Variants in KPNA3 observed in about 807,000 individuals in gnomAD.
KPNA3 encodes karyopherin subunit alpha 3, also known as importin subunit alpha-4.
KPNA3 carries 13 observed loss-of-function variants against 73.8 expected under a neutral mutation model. The ratio of observed to expected loss-of-function variants is 0.18; its 90% CI spans 0.11 to 0.28. The LOEUF (loss-of-function observed/expected upper bound fraction) is 0.28. KPNA3 is among the 10% of genes least tolerant of loss of function. The probability of loss-of-function intolerance (pLI) is 1.00; values close to 1 mark genes in which losing one functional copy is unlikely to be tolerated. For missense variants in KPNA3, 360 were observed against 618.1 expected (o/e 0.58, Z 4.43); for synonymous variants, 186 against 206.9 (o/e 0.90, Z 0.87).
At chr13:49,735,745 G>A (rs759650955) in intron 2 of KPNA3, among the ~76,000 whole-genome samples, 1 of 151,984 alleles carries the variant, frequency 6.6e-6, no homozygotes, top group African/African-American at 2.4e-5. Flanking sequence ...TATTATCCAC[G>A]TATGCATGTA....
At chr13:49,781,355 CAG>C (rs1954939104) in intron 1 of KPNA3, among the ~76,000 whole-genome samples, 1 of 152,192 alleles carries the variant, frequency 6.6e-6, no homozygotes, top group Non-Finnish European at 1.5e-5. Context: ...ATCTGGGACT[CAG>C]TGCCAGTTCT....
At chr13:49,776,894 A>G (rs1483759839) in intron 1 of KPNA3, among the ~76,000 whole-genome samples, 1 of 152,220 alleles carries the variant, frequency 6.6e-6, no homozygotes, top group African/African-American at 2.4e-5. Flanking sequence ...TCAAATTTAC[A>G]GTCAGTTCAA....
intron 14 of KPNA3, 111 bp from the exon 15 acceptor site, chr13:49,705,894 T>TG (rs1412924748): frequency 1.8e-6 from 2 of 1,098,076 alleles, no homozygotes. Flanking sequence ...GCCCAGGAGT[T>TG]GGAGGCTGTA....
intron 15 of KPNA3, among the ~76,000 whole-genome samples, chr13:49,703,278 G>C (rs1954167727): frequency 6.7e-6 from 1 of 149,368 alleles, no homozygotes; most frequent in South Asian, 2.1e-4. Flanking sequence ...CACCTCCTGG[G>C]TTCAAGTGTC....
chr13:49,707,141 T>C (rs377594177), intron 12 of KPNA3, among the ~76,000 whole-genome samples: 2 of 152,354 alleles, frequency 1.3e-5, no homozygotes, highest in African/African-American at 4.8e-5. Context: ...TCACAAGATA[T>C]AGTCATTCAA....
intron 1 of KPNA3, among the ~76,000 whole-genome samples, chr13:49,753,341 A>G (rs1478154558): frequency 6.6e-6 from 1 of 152,210 alleles, no homozygotes; most frequent in Non-Finnish European, 1.5e-5. Context: ...GGCAAAAAAT[A>G]TTGAAAATGT....
chr13:49,714,323 CCTACCTAACTTAATTA>C (rs1954286543), intron 10 of KPNA3, among the ~76,000 whole-genome samples: 1 of 151,794 alleles, frequency 6.6e-6, no homozygotes, highest in Non-Finnish European at 1.5e-5. Context: ...AAGAAAAAGT[CCTACCTAACTTAATTA>C]GAAAAGAGCA....
At chr13:49,727,238 G>T (rs765165584) in intron 6 of KPNA3, among the ~76,000 whole-genome samples, 1 of 151,668 alleles carries the variant, frequency 6.6e-6, no homozygotes, top group Non-Finnish European at 1.5e-5. Context: ...ACCTGAGGTC[G>T]GGAGTTTGAA....
At chr13:49,784,746 A>AT (rs1441237408) in intron 1 of KPNA3, among the ~76,000 whole-genome samples, 1 of 152,202 alleles carries the variant, frequency 6.6e-6, no homozygotes, top group Non-Finnish European at 1.5e-5. Flanking sequence ...CATGGGAAAA[A>AT]TTATTGTGTC....
intron 6 of KPNA3, among the ~76,000 whole-genome samples, chr13:49,727,693 C>T (rs1264774518): frequency 1.3e-5 from 2 of 151,906 alleles, no homozygotes; most frequent in African/African-American, 4.8e-5. Context: ...TAAACTCATA[C>T]TAACTTTCTA....
intron 1 of KPNA3, among the ~76,000 whole-genome samples, chr13:49,766,232 A>G (rs1954806724): frequency 6.6e-6 from 1 of 152,134 alleles, no homozygotes; most frequent in African/African-American, 2.4e-5. Flanking sequence ...ATTAAATGCC[A>G]TTACTTTTCC....
At chr13:49,758,625 A>G (rs1395007923) in intron 1 of KPNA3, among the ~76,000 whole-genome samples, 1 of 152,230 alleles carries the variant, frequency 6.6e-6, no homozygotes, top group African/African-American at 2.4e-5. Context: ...GATATATGAT[A>G]GAAGTTGTTT....
At chr13:49,739,646 T>G (rs934831299) in intron 2 of KPNA3, among the ~76,000 whole-genome samples, 1 of 152,196 alleles carries the variant, frequency 6.6e-6, no homozygotes, top group Non-Finnish European at 1.5e-5. Flanking sequence ...TCAGTATCTG[T>G]TATTTGAAGT....
In KPNA3 at chr13:49,701,808, T is replaced by C. The variant is rs1954150590; in HGVS notation, c.1558A>G (p.Asn520Asp). 1 of 1,599,178 alleles carries C rather than the reference T, an allele frequency of 6.3e-7. No homozygotes were observed. The highest frequency in any genetic ancestry group is 1.3e-5 in the African/African-American group (1 of 74,630). The change falls in exon 17 of 17, where the codon AAT (asparagine) becomes GAT (aspartate). Residue 520 changes from asparagine to aspartate, a missense_variant. Coordinates refer to ENST00000261667, the MANE Select transcript of KPNA3 (RefSeq NM_002267.4). ...PTANLQTKEF[N>D]F ...GCTGCACTCAACTGAATTTAAAAAT[T>C]AAATTCTTTTGTTTGAAGGTTGGCT...
In KPNA3 at chr13:49,768,015, CT is replaced by C. The variant is rs1954822683; in HGVS notation, c.70-21023del. Among the ~76,000 whole-genome samples the C allele has an allele frequency of 6.6e-5, 10 of 152,190 alleles. No individual in the cohort carries two copies. In the South Asian group the frequency reaches 2.1e-3, roughly 32 times the overall value. On this transcript the variant is annotated intron_variant, in intron 1 of 16. Coordinates refer to ENST00000261667, the MANE Select transcript of KPNA3 (RefSeq NM_002267.4). Reference sequence around the variant, plus strand: ...AAACTGTGTCTTTGTATTTAAAATGCTGCTACACAATCCCAGCACTTTGGGA... The same window carrying C: ...AAACTGTGTCTTTGTATTTAAAATGCGCTACACAATCCCAGCACTTTGGGA...
intron 6 of KPNA3, among the ~76,000 whole-genome samples, chr13:49,727,202 C>T (rs35331571): frequency 0.25 from 37,732 of 151,958 alleles, 5,343 homozygotes; most frequent in Non-Finnish European, 0.32. Flanking sequence ...AACCCCAGCA[C>T]TTTGGGAGGC....
chr13:49,763,250 G>A (rs1410902383), intron 1 of KPNA3, among the ~76,000 whole-genome samples: 1 of 152,090 alleles, frequency 6.6e-6, no homozygotes, highest in East Asian at 1.9e-4. Context: ...TAATTATTAA[G>A]TTAGACACAT....
Position 49,709,398 on chromosome 13 carries a change from CA to C in KPNA3, c.1032+173del, listed in dbSNP as rs386379154. ...CCTAGGCAACAGACAGACTCTGTCT[CA>C]AAAAAAAAAAAAAAAAAGTTGAAGA... On this transcript the variant is annotated intron_variant, in intron 12 of 16. Coordinates refer to ENST00000261667, the MANE Select transcript of KPNA3 (RefSeq NM_002267.4). Among the ~76,000 whole-genome samples the C allele has an allele frequency of 2.0e-3, 198 of 97,608 alleles. 3 individuals carry two copies. In the East Asian group the frequency reaches 0.02, roughly 10 times the overall value. The allele number at this position is 97,608 out of a possible 152,430, so 64.0% of individuals were successfully genotyped here. A position where few individuals can be genotyped will look rare whatever the true frequency, so the allele number is the denominator to read the frequency against.
Position 49,710,922 on chromosome 13 carries a change from G to A in KPNA3, c.872C>T (p.Pro291Leu). The A allele has an allele frequency of 6.2e-7, 1 of 1,613,714 alleles. No individual in the cohort carries two copies. Among genetic ancestry groups the A allele is most frequent in the East Asian group, 2.2e-5 (1 of 44,852 alleles). ...IDSGVVPFLV[P>L]LLSHQEVKVQ... ...TTTGACTTCCTGATGGCTCAGAAGGGGCACAAGAAAGGGCACAACTCCTGA... is the reference window on the plus strand; with the variant it reads ...TTTGACTTCCTGATGGCTCAGAAGGAGCACAAGAAAGGGCACAACTCCTGA... The change falls in exon 11 of 17, where the codon CCC (proline) becomes CTC (leucine). Residue 291 changes from proline (P) to leucine (L), a missense_variant. Around this residue, in one of 3 missense-constraint regions of KPNA3, gnomAD observed 287 missense variants for 549.1 expected, o/e 0.52. Transcript: ENST00000261667.
Sources: allele counts gnomAD v4.1 joint callset (sites outside exome capture counted in the v4.1 genomes callset), GRCh38; gene constraint gnomAD v4.1.1; regional missense constraint gnomAD v4.1.1; transcripts MANE v1.5; gene names NCBI Gene and HGNC (gene_info 2026-07-23, HGNC 2026-07-21).